CNTN4: variants seen among roughly 807,000 people sequenced by gnomAD.
CNTN4 encodes the protein contactin-4.
In CNTN4, 77 loss-of-function variants were observed where a neutral mutation model predicts 122.5. The observed-to-expected ratio is 0.63, with a 90% CI of 0.52 to 0.76. The LOEUF (loss-of-function observed/expected upper bound fraction) is 0.76, where lower values mean the gene tolerates loss of function less well. Among genes scored for constraint, CNTN4 ranks in the 30% least tolerant of loss-of-function variants. The probability of loss-of-function intolerance (pLI) is 0.00; values close to 1 mark genes in which losing one functional copy is unlikely to be tolerated. For missense variants in CNTN4, 1,256 were observed against 1,259.1 expected, an observed-to-expected ratio of 1.00 and a Z score of 0.04; for synonymous variants, 512 against 447.0, an observed-to-expected ratio of 1.15 and a Z score of -1.83.
At chr3:2,189,009 C>G (rs1428876055) in intron 2 of CNTN4, among the ~76,000 whole-genome samples, 2 of 152,130 alleles carry the variant, frequency 1.3e-5, no homozygotes, top group African/African-American at 2.4e-5. Flanking sequence ...TCTAGAGGGA[C>G]TGAGGATTTT....
chr3:2,544,652 T>C (rs1347191086), intron 3 of CNTN4, among the ~76,000 whole-genome samples: 2 of 152,112 alleles, frequency 1.3e-5, no homozygotes, highest in Non-Finnish European at 2.9e-5. Flanking sequence ...CTAGTTTGTG[T>C]GCATTGAAGT....
At chr3:2,769,999 A>G (rs1576722764) in intron 6 of CNTN4, among the ~76,000 whole-genome samples, 1 of 142,102 alleles carries the variant, frequency 7.0e-6, no homozygotes, top group African/African-American at 2.6e-5. Flanking sequence ...CTTCTCTTCC[A>G]TCTCTCTCTG....
intron 2 of CNTN4, among the ~76,000 whole-genome samples, chr3:2,336,978 C>G (rs1193233689): frequency 6.6e-6 from 1 of 152,106 alleles, no homozygotes; most frequent in African/African-American, 2.4e-5. Flanking sequence ...ATTGATGGTT[C>G]AATAGCTGTA....
intron 2 of CNTN4, among the ~76,000 whole-genome samples, chr3:2,224,593 T>C (rs1194094792): frequency 2.0e-5 from 3 of 152,174 alleles, no homozygotes; most frequent in African/African-American, 7.2e-5. Context: ...TGAGTTCTAG[T>C]GAATCTCTGA....
chr3:2,613,418 C>G (rs2149844734), intron 4 of CNTN4, among the ~76,000 whole-genome samples: 1 of 151,540 alleles, frequency 6.6e-6, no homozygotes, highest in Admixed American at 6.6e-5. Flanking sequence ...CATGGCCAGT[C>G]AAAGGAAAAT....
chr3:2,235,718 C>T (rs1034315298), intron 2 of CNTN4, among the ~76,000 whole-genome samples: 5 of 152,022 alleles, frequency 3.3e-5, no homozygotes, highest in African/African-American at 4.8e-5. Context: ...TTAGAAGTAA[C>T]AAGAGCATCT....
chr3:2,752,460 G>A lies in CNTN4; in HGVS notation c.358+6763G>A, dbSNP rs759410271. 1.1e-3 allele frequency among the ~76,000 whole-genome samples: 166 copies of A among 152,238 alleles called. 1 individual carries two copies. Among genetic ancestry groups the A allele is most frequent in the Middle Eastern group, 3.4e-3 (1 of 294 alleles). On this transcript the variant is annotated intron_variant, in intron 6 of 24. Transcript: ENST00000418658. Reference sequence around the variant, plus strand: ...GGCTCACTGCAACCTCCACCTCCCGGGTCCAAGCGATTTTACTGCCTCAGC... The same window carrying A: ...GGCTCACTGCAACCTCCACCTCCCGAGTCCAAGCGATTTTACTGCCTCAGC...
chr3:2,141,548 T>G (rs2034996562), intron 2 of CNTN4, among the ~76,000 whole-genome samples: 1 of 152,204 alleles, frequency 6.6e-6, no homozygotes, highest in African/African-American at 2.4e-5. Flanking sequence ...TGTAAGATAG[T>G]AAATGTATAT....
chr3:2,214,308 G>A (rs1475790012), intron 2 of CNTN4, among the ~76,000 whole-genome samples: 2 of 152,050 alleles, frequency 1.3e-5, no homozygotes, highest in Non-Finnish European at 1.5e-5. Flanking sequence ...TCGGAGCAGT[G>A]GGGGGTTTGT....
chr3:2,395,972 C>T (rs566384201), intron 3 of CNTN4, among the ~76,000 whole-genome samples: 165 of 152,016 alleles, frequency 1.1e-3, no homozygotes, highest in African/African-American at 3.7e-3. Context: ...TAGGAATGAG[C>T]GCAAACACAC....
intron 4 of CNTN4, among the ~76,000 whole-genome samples, chr3:2,686,727 C>G (rs112669919): frequency 1.3e-5 from 2 of 152,112 alleles, no homozygotes; most frequent in African/African-American, 4.8e-5. Context: ...AGCTGTAGTA[C>G]CCCAACTTCT....
rs549277226 is a variant in CNTN4, at chr3:2,134,698, G to C, written c.-145+34059G>C. 1.5e-4 allele frequency among the ~76,000 whole-genome samples: 23 copies of C among 152,208 alleles called. No homozygotes were observed. In the South Asian group the frequency reaches 4.8e-3, roughly 32 times the overall value. ...CTGGCATCTAGTGATTAGAGGCCAG[G>C]GATGCTGCTGAACACCCTCAGTGCA... On this transcript the variant is annotated intron_variant, in intron 2 of 24. Transcript: ENST00000418658.
chr3:2,540,135 A>G (rs2077975671), intron 3 of CNTN4, among the ~76,000 whole-genome samples: 1 of 151,948 alleles, frequency 6.6e-6, no homozygotes, highest in African/African-American at 2.4e-5. Flanking sequence ...TAGGTGATAT[A>G]AAAAATTGGG....
chr3:2,299,357 T>A (rs2042421846), intron 2 of CNTN4, among the ~76,000 whole-genome samples: 1 of 152,050 alleles, frequency 6.6e-6, no homozygotes, highest in Admixed American at 6.6e-5. Context: ...GGTACGAGTG[T>A]TTTTTGGTGA....
At chr3:2,765,510 T>G (rs998576349) in intron 6 of CNTN4, among the ~76,000 whole-genome samples, 1 of 152,244 alleles carries the variant, frequency 6.6e-6, no homozygotes, top group Non-Finnish European at 1.5e-5. Context: ...TTTGTTTTCC[T>G]GGGATTAGAC....
chr3:2,534,481 T>C (rs2077721560), intron 3 of CNTN4, among the ~76,000 whole-genome samples: 1 of 152,154 alleles, frequency 6.6e-6, no homozygotes, highest in Non-Finnish European at 1.5e-5. Flanking sequence ...TGTCCTGGCA[T>C]TCCTTAAGAA....
At chr3:2,458,976 T>A (rs1363425199) in intron 3 of CNTN4, among the ~76,000 whole-genome samples, 1 of 152,096 alleles carries the variant, frequency 6.6e-6, no homozygotes, top group East Asian at 1.9e-4. Flanking sequence ...CATTCCACTC[T>A]TTAGACAGAT....
At chr3:2,795,909 T>C (rs1406756189) in intron 6 of CNTN4, among the ~76,000 whole-genome samples, 1 of 152,186 alleles carries the variant, frequency 6.6e-6, no homozygotes, top group East Asian at 1.9e-4. Context: ...ATATAACATT[T>C]GATTGTGAGT....
intron 2 of CNTN4, among the ~76,000 whole-genome samples, chr3:2,292,555 T>C (rs1017974753): frequency 4.6e-5 from 7 of 152,236 alleles, no homozygotes; most frequent in African/African-American, 1.7e-4. Flanking sequence ...TCCAAAGTTC[T>C]TTTATGTCCC....
Sources: gnomAD v4.1 joint callset for allele counts (sites outside exome capture counted in the v4.1 genomes callset) on GRCh38, gnomAD v4.1.1 for gene constraint, MANE v1.5 for transcripts, NCBI Gene and HGNC (gene_info 2026-07-23, HGNC 2026-07-21) for gene names.